Variants in FTO observed in about 807,000 individuals in gnomAD.
FTO encodes FTO alpha-ketoglutarate dependent dioxygenase.
FTO carries 47 observed loss-of-function variants against 63.9 expected under a neutral mutation model. The ratio of observed to expected loss-of-function variants is 0.74; its 90% CI spans 0.58 to 0.94. The LOEUF is 0.94. FTO is among the 40% of genes least tolerant of loss of function. The pLI, the probability that FTO is intolerant of heterozygous loss-of-function variation, is 0.00. For synonymous variants in FTO, 207 were observed against 224.4 expected (o/e 0.92, Z 0.69); for missense variants, 562 against 618.1 (o/e 0.91, Z 0.96).
At chr16:54,057,462 G>A (rs757887710) in intron 8 of FTO, among the ~76,000 whole-genome samples, 1 of 152,084 alleles carries the variant, frequency 6.6e-6, no homozygotes. Context: ...AGAAGCAAAT[G>A]TTGTTTTTTG....
intron 3 of FTO, among the ~76,000 whole-genome samples, chr16:53,834,360 G>C (rs1397809863): frequency 1.3e-5 from 2 of 152,180 alleles, no homozygotes; most frequent in African/African-American, 2.4e-5. Context: ...ATGAGCACGG[G>C]ATCAGAGAAC....
At chr16:53,984,007 G>A (rs2083607021) in intron 8 of FTO, among the ~76,000 whole-genome samples, 1 of 152,224 alleles carries the variant, frequency 6.6e-6, no homozygotes, top group African/African-American at 2.4e-5. Flanking sequence ...AAAAGGTAGA[G>A]CCAGCTGCTT....
At chr16:53,826,848 T>C (rs900490881) in intron 3 of FTO, among the ~76,000 whole-genome samples, 1 of 152,216 alleles carries the variant, frequency 6.6e-6, no homozygotes, top group African/African-American at 2.4e-5. Flanking sequence ...GTACAGTTGC[T>C]ATAATTAACT....
chr16:53,737,099 T>G (rs184180027), intron 1 of FTO, among the ~76,000 whole-genome samples: 3 of 152,362 alleles, frequency 2.0e-5, no homozygotes, highest in African/African-American at 7.2e-5. Flanking sequence ...GTGCGCCTGT[T>G]TCTGCAGAGC....
chr16:53,908,509 A>C (rs2151938332), intron 7 of FTO, among the ~76,000 whole-genome samples: 1 of 152,312 alleles, frequency 6.6e-6, no homozygotes, highest in Middle Eastern at 3.4e-3. Context: ...GATATAAGAA[A>C]CTTTGGGGAC....
At chr16:53,944,372 C>T (rs2082608216) in intron 8 of FTO, among the ~76,000 whole-genome samples, 1 of 152,270 alleles carries the variant, frequency 6.6e-6, no homozygotes, top group South Asian at 2.1e-4. Flanking sequence ...TGCTCCATTC[C>T]CCAATTGTGT....
In FTO at chr16:54,080,308, C is replaced by T. The variant is rs888550787; in HGVS notation, c.1365-31454C>T. Among the ~76,000 whole-genome samples the T allele has an allele frequency of 3.3e-5, 5 of 152,104 alleles. No individual in the cohort carries two copies. The South Asian group carries it at 1.0e-3, about 32-fold the overall frequency. On this transcript the variant is annotated intron_variant, in intron 8 of 8. Transcript: ENST00000471389. ...CACAACAGTCACAGCTTGCAGACACCAAGCTCCTCAGAAAATATTCTACTA... is the reference window on the plus strand; with the variant it reads ...CACAACAGTCACAGCTTGCAGACACTAAGCTCCTCAGAAAATATTCTACTA...
At chr16:53,737,690 T>G (rs953872567) in intron 1 of FTO, among the ~76,000 whole-genome samples, 1 of 152,218 alleles carries the variant, frequency 6.6e-6, no homozygotes. Flanking sequence ...TCACTTATTT[T>G]GCCTGTATAG....
chr16:53,799,054 A>C (rs2078153299), intron 1 of FTO, among the ~76,000 whole-genome samples: 1 of 152,040 alleles, frequency 6.6e-6, no homozygotes, highest in African/African-American at 2.4e-5. Context: ...TGTTAAACCA[A>C]CCTGGCGTTC....
intron 1 of FTO, among the ~76,000 whole-genome samples, chr16:53,712,300 G>A (rs2075793379): frequency 6.6e-6 from 1 of 152,024 alleles, no homozygotes; most frequent in Non-Finnish European, 1.5e-5. Context: ...CAGTTTTGGT[G>A]TTAGGCCAAA....
intron 2 of FTO, among the ~76,000 whole-genome samples, chr16:53,815,950 C>T (rs1001900556): frequency 6.6e-6 from 1 of 151,982 alleles, no homozygotes; most frequent in Non-Finnish European, 1.5e-5. Flanking sequence ...CACCCAGCTG[C>T]CATTGACTTT....
rs991195082 is a variant in FTO, at chr16:54,114,845, A to C, written c.*2930A>C. On this transcript the variant is annotated 3_prime_UTR_variant, in exon 9 of 9. Transcript: ENST00000471389. ...GCTTGGCCCGGGAGGCGGAGGTTGC[A>C]GTGAGCCGAGATCATGCCACTGCAC... 1 of 152,524 alleles carries C rather than the reference A, an allele frequency of 6.6e-6. No individual in the cohort carries two copies. The allele number at this position is 152,524 out of a possible 1,614,324, so 9.4% of individuals were successfully genotyped here. A position where few individuals can be genotyped will look rare whatever the true frequency, so the allele number is the denominator to read the frequency against.
chr16:53,921,992 G>A (rs2082017907), intron 7 of FTO, among the ~76,000 whole-genome samples: 1 of 151,934 alleles, frequency 6.6e-6, no homozygotes, highest in Non-Finnish European at 1.5e-5. Context: ...ATTACTCTTG[G>A]GCATTTCACC....
intron 2 of FTO, among the ~76,000 whole-genome samples, chr16:53,811,110 C>T (rs1397117076): frequency 6.6e-6 from 1 of 152,172 alleles, no homozygotes; most frequent in African/African-American, 2.4e-5. Flanking sequence ...CATGCACCTA[C>T]TCTTGGAGTG....
At chr16:53,950,422 A>G (rs1350672366) in intron 8 of FTO, among the ~76,000 whole-genome samples, 1 of 152,170 alleles carries the variant, frequency 6.6e-6, no homozygotes, top group African/African-American at 2.4e-5. Context: ...AGTATACGAG[A>G]AATGTTTTAC....
intron 5 of FTO, among the ~76,000 whole-genome samples, chr16:53,876,428 A>G (rs924228839): frequency 6.6e-6 from 1 of 152,218 alleles, no homozygotes; most frequent in Admixed American, 6.5e-5. Context: ...AGAAAAAAAC[A>G]GATAAATTGG....
intron 6 of FTO, among the ~76,000 whole-genome samples, chr16:53,887,540 A>G (rs74733363): frequency 1.2e-3 from 178 of 152,360 alleles, no homozygotes; most frequent in African/African-American, 4.1e-3. Flanking sequence ...CATCGGAAGG[A>G]AAGTCAAGTT....
At chr16:53,730,613 G>A (rs1343826256) in intron 1 of FTO, among the ~76,000 whole-genome samples, 1 of 151,936 alleles carries the variant, frequency 6.6e-6, no homozygotes. Context: ...TCCCAACACA[G>A]CCTCGTGAGT....
At chr16:53,820,457 G>A (rs1440809681) in intron 2 of FTO, among the ~76,000 whole-genome samples, 1 of 151,874 alleles carries the variant, frequency 6.6e-6, no homozygotes. Flanking sequence ...CCTATTTGAG[G>A]GTGGAGATTC....
Sources: allele counts gnomAD v4.1 joint callset (sites outside exome capture counted in the v4.1 genomes callset), GRCh38; gene constraint gnomAD v4.1.1; transcripts MANE v1.5; gene names NCBI Gene and HGNC (gene_info 2026-07-23, HGNC 2026-07-21).